Variants in ADGRG6 observed in about 807,000 individuals in gnomAD.
The protein encoded by ADGRG6 is G-protein coupled receptor 126.
Under a neutral mutation model 142.4 loss-of-function variants are expected in ADGRG6, and 84 were observed. That is an observed-to-expected ratio of 0.59 (90% confidence interval 0.49 to 0.71). The LOEUF is 0.71. Among genes scored for constraint, ADGRG6 ranks in the 30% least tolerant of loss-of-function variants. The probability of loss-of-function intolerance (pLI) is 0.00; values close to 1 mark genes in which losing one functional copy is unlikely to be tolerated. For synonymous variants in ADGRG6, 521 were observed against 520.5 expected, an observed-to-expected ratio of 1.00 and a Z score of -0.01; for missense variants, 1,367 against 1,466.6, an observed-to-expected ratio of 0.93 and a Z score of 1.11.
At chr6:142,311,036 C>G (rs1777746166) in intron 2 of ADGRG6, among the ~76,000 whole-genome samples, 1 of 151,764 alleles carries the variant, frequency 6.6e-6, no homozygotes, top group Non-Finnish European at 1.5e-5. Context: ...TTTTAGATGT[C>G]AACATTTTAA....
rs377636467 is a variant in ADGRG6 at position 142,403,930 on chromosome 6, A to G, written c.2084A>G (p.Asn695Ser). The part of the protein sequence containing the change: ...SLLPGTNAIS[N>S]FSIGLPSNNE... ...TTACCAGGGACAAATGCAATTTCAA[A>G]TTTTAGCATTGGTCTTCCAAGCAAT... The change falls in exon 14 of 25, where the codon AAT becomes AGT. Residue 695 changes from asparagine to serine, a missense_variant. By Grantham distance (46) the Asn-to-Ser change is conservative. Coordinates refer to ENST00000367609, the MANE Select transcript of ADGRG6 (RefSeq NM_198569.3). 10 of 1,610,908 alleles carry G rather than the reference A, an allele frequency of 6.2e-6. No homozygotes were observed. The African/African-American group carries it at 8.0e-5, about 13-fold the overall frequency.
intron 7 of ADGRG6, among the ~76,000 whole-genome samples, chr6:142,390,985 A>T (rs1297661385): frequency 6.6e-6 from 1 of 151,798 alleles, no homozygotes; most frequent in Admixed American, 6.6e-5. Context: ...TTGTTTTGAA[A>T]AAACAATGCA....
chr6:142,412,436 A>G (rs1300729299), intron 18 of ADGRG6, among the ~76,000 whole-genome samples: 1 of 152,140 alleles, frequency 6.6e-6, no homozygotes, highest in African/African-American at 2.4e-5. Flanking sequence ...GGAAGCCTTG[A>G]GGATCTGTGG....
chr6:142,407,611 T>A (rs188244287), intron 15 of ADGRG6, among the ~76,000 whole-genome samples: 30 of 152,320 alleles, frequency 2.0e-4, no homozygotes, highest in Admixed American at 1.8e-3. Context: ...AATCTGCAGA[T>A]GCTGGCAAGT....
Position 142,367,489 on chromosome 6 carries a change from G to A in ADGRG6, c.104-80G>A, listed in dbSNP as rs572973584. On this transcript the variant is annotated intron_variant, in intron 2 of 24. Transcript: ENST00000367609. The stretch of plus-strand genomic sequence containing the variant: ...TTTAAATATTTACTGCTTGATTGTC[G>A]CCAGTGTGTGGTATTCTCGGTTTAT... The A allele has an allele frequency of 3.7e-5, 32 of 856,198 alleles. 1 individual carries two copies. The highest frequency in any genetic ancestry group is 1.9e-4 in the Admixed American group (7 of 36,544). 53.0% of individuals were successfully genotyped at this position (856,198 alleles called of 1,614,324 possible).
chr6:142,357,987 T>G (rs1780533876), intron 2 of ADGRG6, among the ~76,000 whole-genome samples: 1 of 152,224 alleles, frequency 6.6e-6, no homozygotes. Flanking sequence ...GTGAGTCATG[T>G]ATGGTCCCAG....
chr6:142,410,058 G>A (rs538653068), intron 17 of ADGRG6, 139 bp downstream of exon 17: 45 of 425,432 alleles, frequency 1.1e-4, no homozygotes, highest in Middle Eastern at 6.1e-4. Context: ...GAGCTGCAAA[G>A]TTAGTTTAGG....
At chr6:142,341,593 T>TTAGATATACTATATAATATATAATATATA (rs1562324085) in intron 2 of ADGRG6, among the ~76,000 whole-genome samples, 1 of 126,844 alleles carries the variant, frequency 7.9e-6, no homozygotes, top group African/African-American at 3.0e-5. Flanking sequence ...TATAATATTA[T>TTAGATATACTATATAATATATAATATATA]ATATTATATA....
chr6:142,382,481 G>A (rs546349792), intron 5 of ADGRG6, among the ~76,000 whole-genome samples: 1 of 152,108 alleles, frequency 6.6e-6, no homozygotes, highest in East Asian at 1.9e-4. Flanking sequence ...TAAATTTTAA[G>A]ATTAAAATGG....
intron 4 of ADGRG6, among the ~76,000 whole-genome samples, chr6:142,380,360 T>G (rs1781714113): frequency 6.6e-6 from 1 of 152,034 alleles, no homozygotes; most frequent in Admixed American, 6.6e-5. Context: ...CAGATGGTTG[T>G]GGGGGGCCCT....
intron 6 of ADGRG6, among the ~76,000 whole-genome samples, chr6:142,388,025 C>T (rs1413556900): frequency 6.6e-6 from 1 of 152,134 alleles, no homozygotes; most frequent in East Asian, 1.9e-4. Context: ...TAAGAGAGGA[C>T]AACTTTACTG....
At chr6:142,322,537 A>G (rs1207549174) in intron 2 of ADGRG6, among the ~76,000 whole-genome samples, 3 of 152,060 alleles carry the variant, frequency 2.0e-5, no homozygotes, top group Non-Finnish European at 4.4e-5. Flanking sequence ...GGGTTATTCT[A>G]CCTTTGCCTG....
intron 2 of ADGRG6, among the ~76,000 whole-genome samples, chr6:142,329,649 T>C (rs909633709): frequency 9.9e-5 from 15 of 152,174 alleles, no homozygotes; most frequent in African/African-American, 3.6e-4. Context: ...GCTCCCATCA[T>C]TGAGTCATGT....
intron 1 of ADGRG6, among the ~76,000 whole-genome samples, chr6:142,308,319 T>C (rs189988283): frequency 4.7e-4 from 72 of 152,076 alleles, no homozygotes; most frequent in African/African-American, 1.7e-3. Flanking sequence ...TGCAGCATAG[T>C]TCATAAGTAG....
intron 2 of ADGRG6, among the ~76,000 whole-genome samples, chr6:142,324,181 T>G (rs1446275950): frequency 6.6e-6 from 1 of 152,004 alleles, no homozygotes; most frequent in Non-Finnish European, 1.5e-5. Flanking sequence ...AACAGAAAAA[T>G]GGATTTTGTT....
At chr6:142,303,788 A>T (rs982205992) in intron 1 of ADGRG6, among the ~76,000 whole-genome samples, 1 of 152,208 alleles carries the variant, frequency 6.6e-6, no homozygotes, top group Admixed American at 6.5e-5. Context: ...TTACACATGA[A>T]AGTATAAATA....
chr6:142,408,956 C>T (rs1164911059), intron 16 of ADGRG6, among the ~76,000 whole-genome samples: 3 of 152,144 alleles, frequency 2.0e-5, no homozygotes, highest in Non-Finnish European at 4.4e-5. Context: ...CTTAGACTTC[C>T]GTGTTCAACA....
At chr6:142,414,846 C>A in intron 18 of ADGRG6, 123 bp from the exon 19 acceptor site, 1 of 578,682 alleles carries the variant, frequency 1.7e-6, no homozygotes, top group Non-Finnish European at 2.9e-6. Context: ...TATTGATTTA[C>A]ACTGTTGGTT....
chr6:142,378,866 T>A (rs1781618868), intron 4 of ADGRG6, among the ~76,000 whole-genome samples: 1 of 152,262 alleles, frequency 6.6e-6, no homozygotes. Flanking sequence ...TAAACTTTCT[T>A]CTCTTAAATT....
Sources: allele counts gnomAD v4.1 joint callset (sites outside exome capture counted in the v4.1 genomes callset), GRCh38; gene constraint gnomAD v4.1.1; transcripts MANE v1.5; gene names NCBI Gene and HGNC (gene_info 2026-07-23, HGNC 2026-07-21).